The following CPPED1 variants were observed in gnomAD, a reference collection of about 807,000 sequenced individuals.
The protein encoded by CPPED1 is serine/threonine-protein phosphatase CPPED1.
Under a neutral mutation model 28.0 loss-of-function variants are expected in CPPED1, and 28 were observed. The ratio of observed to expected loss-of-function variants is 1.00; its 90% confidence interval spans 0.74 to 1.37. The LOEUF is 1.37. Ranked by LOEUF, CPPED1 falls within the 40% of genes most tolerant of loss-of-function variation. The pLI is 0.00. For synonymous variants in CPPED1, 198 were observed against 180.2 expected, an observed-to-expected ratio of 1.10 and a Z score of -0.79; for missense variants, 504 against 416.5, an observed-to-expected ratio of 1.21 and a Z score of -1.83.
In CPPED1 at chr16:12,734,058, G is replaced by GTTTTTTTTT. The variant is rs71142517; in HGVS notation, c.290-29018_290-29010dup. ...CTTTGTCTCTGTTTTCAAATTACAC[G>GTTTTTTTTT]TTTTTTTTTTTTTTTTTTTTTTTTT... On this transcript the variant is annotated intron_variant, in intron 2 of 3. Transcript: ENST00000381774. Among the ~76,000 whole-genome samples the GTTTTTTTTT allele has an allele frequency of 6.2e-4, 40 of 64,424 alleles. 7 individuals are homozygous for GTTTTTTTTT. The highest frequency in any genetic ancestry group is 2.7e-3 in the African/African-American group (32 of 11,722). 42.3% of individuals were successfully genotyped at this position (64,424 alleles called of 152,430 possible).
At chr16:12,773,994 G>A (rs376230603) in intron 2 of CPPED1, among the ~76,000 whole-genome samples, 2 of 152,294 alleles carry the variant, frequency 1.3e-5, no homozygotes, top group East Asian at 3.9e-4. Flanking sequence ...TGCCTCAGCT[G>A]TTCAGCAGCA....
intron 2 of CPPED1, among the ~76,000 whole-genome samples, chr16:12,710,925 AT>A (rs930873375): frequency 1.3e-5 from 2 of 152,158 alleles, no homozygotes; most frequent in African/African-American, 4.8e-5. Flanking sequence ...GGAAAACAAT[AT>A]GGTGGCTCCC....
chr16:12,683,769 A>G (rs1461992153), intron 3 of CPPED1, among the ~76,000 whole-genome samples: 1 of 152,094 alleles, frequency 6.6e-6, no homozygotes, highest in Non-Finnish European at 1.5e-5. Flanking sequence ...TATGATATTC[A>G]GCTGTCAGTG....
intron 2 of CPPED1, among the ~76,000 whole-genome samples, chr16:12,768,362 T>C (rs1328578666): frequency 6.6e-6 from 1 of 152,198 alleles, no homozygotes; most frequent in African/African-American, 2.4e-5. Context: ...AGATTATGCT[T>C]TTTATTTTTA....
intron 2 of CPPED1, among the ~76,000 whole-genome samples, chr16:12,755,154 C>T (rs1260541727): frequency 1.3e-5 from 2 of 152,118 alleles, no homozygotes; most frequent in African/African-American, 2.4e-5. Context: ...GGGGTCAAAT[C>T]ATCTCTGATG....
At chr16:12,690,200 T>A (rs1011163080) in intron 3 of CPPED1, among the ~76,000 whole-genome samples, 2 of 152,104 alleles carry the variant, frequency 1.3e-5, no homozygotes, top group African/African-American at 4.8e-5. Context: ...TACAGATCCC[T>A]CCCTGTTTCA....
At chr16:12,738,374 C>T (rs1195636607) in intron 2 of CPPED1, among the ~76,000 whole-genome samples, 2 of 151,820 alleles carry the variant, frequency 1.3e-5, no homozygotes, top group African/African-American at 4.8e-5. Flanking sequence ...AGTGATTTTC[C>T]TCTCTTCTTC....
At chr16:12,738,592 T>G (rs2080238768) in intron 2 of CPPED1, among the ~76,000 whole-genome samples, 1 of 152,158 alleles carries the variant, frequency 6.6e-6, no homozygotes, top group Non-Finnish European at 1.5e-5. Flanking sequence ...TGCTGAGATT[T>G]TTCAGGAATA....
intron 3 of CPPED1, among the ~76,000 whole-genome samples, chr16:12,677,252 T>C (rs908275773): frequency 5.9e-5 from 9 of 152,218 alleles, no homozygotes; most frequent in Admixed American, 2.6e-4. Flanking sequence ...GTTCAGATTC[T>C]GGCTTGGCTA....
Position 12,664,810 on chromosome 16 carries a change from G to C in CPPED1, c.*76C>G. 1 of 1,587,860 alleles carries C rather than the reference G, an allele frequency of 6.3e-7. No homozygotes were observed. The highest frequency in any genetic ancestry group is 8.5e-7 in the Non-Finnish European group (1 of 1,172,000). The stretch of plus-strand genomic sequence containing the variant: ...GGGCTATTTTTATATTTCAGCAAGA[G>C]GTTGTGTGCAGCTGCTGTTTCTGGC... On this transcript the variant is annotated 3_prime_UTR_variant, in exon 4 of 4. Transcript: ENST00000381774. The surrounding 1 kb of genome is among the most constrained non-coding windows in gnomAD (Gnocchi z 4.2).
rs2079812958 is a variant in CPPED1 at position 12,664,359 on chromosome 16, A to T, written c.*527T>A. Reference sequence around the variant, plus strand: ...ATGGTGCCTACTTGGCTCCTTGTCAAAATAAGTCTGCATGGCTCTCACAAC... The same window carrying T: ...ATGGTGCCTACTTGGCTCCTTGTCATAATAAGTCTGCATGGCTCTCACAAC... On this transcript the variant is annotated 3_prime_UTR_variant, in exon 4 of 4. Coordinates refer to ENST00000381774, the MANE Select transcript of CPPED1 (RefSeq NM_018340.3). This position sits in a 1 kb window ranked among gnomAD's most constrained non-coding sequence, Gnocchi z 4.2. 1.0e-6 allele frequency: 1 copy of T among 991,976 alleles called. No individual in the cohort carries two copies. Among genetic ancestry groups the T allele is most frequent in the African/African-American group, 1.7e-5 (1 of 57,408 alleles). 61.4% of individuals were successfully genotyped at this position (991,976 alleles called of 1,614,324 possible).
chr16:12,747,238 T>C (rs992145770), intron 2 of CPPED1, among the ~76,000 whole-genome samples: 1 of 151,748 alleles, frequency 6.6e-6, no homozygotes, highest in African/African-American at 2.4e-5. Flanking sequence ...AAGACCAGCC[T>C]GGGCAACATG....
At chr16:12,707,941 G>C (rs1327490390) in intron 2 of CPPED1, among the ~76,000 whole-genome samples, 1 of 152,192 alleles carries the variant, frequency 6.6e-6, no homozygotes, top group Non-Finnish European at 1.5e-5. Context: ...GAGGTCAAGA[G>C]TTCAACACCA....
chr16:12,730,807 T>C (rs1172344693), intron 2 of CPPED1, among the ~76,000 whole-genome samples: 2 of 152,034 alleles, frequency 1.3e-5, no homozygotes. Flanking sequence ...CCTTCTGGAG[T>C]CTGGCAAATG....
intron 2 of CPPED1, among the ~76,000 whole-genome samples, chr16:12,757,258 G>T (rs1308954565): frequency 6.6e-6 from 1 of 152,170 alleles, no homozygotes; most frequent in African/African-American, 2.4e-5. Context: ...GCTAAAACCA[G>T]AACAGTCCTG....
At chr16:12,781,652 A>G (rs2080532640) in intron 1 of CPPED1, among the ~76,000 whole-genome samples, 1 of 152,162 alleles carries the variant, frequency 6.6e-6, no homozygotes, top group Non-Finnish European at 1.5e-5. Flanking sequence ...CCACACCACC[A>G]AGCTGTTTGC....
intron 3 of CPPED1, among the ~76,000 whole-genome samples, chr16:12,673,900 T>C (rs1003014295): frequency 6.6e-6 from 1 of 151,856 alleles, no homozygotes; most frequent in African/African-American, 2.4e-5. Context: ...ATTTATCAAA[T>C]CAGCCAGGCA....
intron 3 of CPPED1, among the ~76,000 whole-genome samples, chr16:12,696,663 G>A (rs1354002339): frequency 6.6e-6 from 1 of 151,842 alleles, no homozygotes; most frequent in African/African-American, 2.4e-5. Flanking sequence ...GGCTGGTCTC[G>A]AACTCCTGAC....
In CPPED1 at chr16:12,788,918, C is replaced by T. The variant is rs543074382; in HGVS notation, c.71-7515G>A. On this transcript the variant is annotated intron_variant, in intron 1 of 3. Transcript: ENST00000381774. Reference sequence around the variant, plus strand: ...GCACAGGGTTGATTTGAGGCACAGGCGGGGACCCAGACATCTGTCTCCTGT... The same window carrying T: ...GCACAGGGTTGATTTGAGGCACAGGTGGGGACCCAGACATCTGTCTCCTGT... Among the ~76,000 whole-genome samples the T allele has an allele frequency of 3.9e-5, 6 of 152,280 alleles. No individual in the cohort carries two copies. In the South Asian group the frequency reaches 8.3e-4, roughly 21 times the overall value.
Sources: gnomAD v4.1 joint callset for allele counts (sites outside exome capture counted in the v4.1 genomes callset) on GRCh38, gnomAD v4.1.1 for gene constraint, Gnocchi (gnomAD v3.1) non-coding constraint, MANE v1.5 for transcripts, NCBI Gene and HGNC (gene_info 2026-07-23, HGNC 2026-07-21) for gene names.